The following ZNF782 variants were observed in gnomAD, a reference collection of about 807,000 sequenced individuals.
ZNF782 encodes zinc finger protein 782.
A neutral mutation model predicts 13.0 loss-of-function variants in ZNF782; 12 were observed. That is an observed-to-expected ratio of 0.92 (90% CI 0.59 to 1.50). The LOEUF is 1.50. Among genes scored for constraint, ZNF782 ranks in the 40% most tolerant of loss-of-function variants. ZNF782 has a pLI of 0.00. For synonymous variants in ZNF782, 284 were observed against 283.0 expected (o/e 1.00, Z -0.04); for missense variants, 770 against 822.9 (o/e 0.94, Z 0.79).
At chr9:96,925,249 A>G in the ZNF782 span, among the ~76,000 whole-genome samples, 1 of 151,920 alleles carries the variant, frequency 6.6e-6, no homozygotes, top group Non-Finnish European at 1.5e-5. Flanking sequence ...AGGGCCCCGC[A>G]GGAGATGGGG....
chr9:96,824,087 C>CAGAG, intron 5 of ZNF782, among the ~76,000 whole-genome samples: 2 of 151,986 alleles, frequency 1.3e-5, no homozygotes, highest in Middle Eastern at 6.8e-3. Flanking sequence ...CAAAGCCAGG[C>CAGAG]AGAGACACAA....
chr9:96,870,625 T>C (rs1018237684), intron 1 of ZNF782, among the ~76,000 whole-genome samples: 1 of 152,256 alleles, frequency 6.6e-6, no homozygotes, highest in Admixed American at 6.5e-5. Flanking sequence ...AAGGCTCCTA[T>C]GTGAGCTGAT....
At chr9:96,912,673 C>T in the ZNF782 span, among the ~76,000 whole-genome samples, 6 of 151,454 alleles carry the variant, frequency 4.0e-5, no homozygotes, top group East Asian at 2.0e-4. Flanking sequence ...GAATTACAGG[C>T]GTATGCCATC....
At chr9:96,930,240 C>T in the ZNF782 span, among the ~76,000 whole-genome samples, 1 of 151,886 alleles carries the variant, frequency 6.6e-6, no homozygotes, top group South Asian at 2.1e-4. Context: ...TGTGAAAATC[C>T]CTGGCCGGGC....
the ZNF782 span, among the ~76,000 whole-genome samples, chr9:96,925,274 C>T: frequency 0.18 from 26,261 of 149,458 alleles, 5,849 homozygotes; most frequent in African/African-American, 0.52. Flanking sequence ...GGAGGGACGC[C>T]TCACCAGGGC....
chr9:96,917,887 C>T, the ZNF782 span, among the ~76,000 whole-genome samples: 5 of 121,680 alleles, frequency 4.1e-5, no homozygotes, highest in African/African-American at 7.2e-5. Context: ...CCACCCTTGG[C>T]GTGTGTGTGT....
chr9:96,833,117 A>G (rs1409028304), intron 4 of ZNF782, among the ~76,000 whole-genome samples: 2 of 152,166 alleles, frequency 1.3e-5, no homozygotes, highest in African/African-American at 2.4e-5. Flanking sequence ...AAAGTTTTAG[A>G]GTAACTTTAG....
the ZNF782 span, among the ~76,000 whole-genome samples, chr9:96,925,219 G>C: frequency 6.6e-6 from 1 of 152,128 alleles, no homozygotes; most frequent in East Asian, 1.9e-4. Context: ...GCGCGGGGCA[G>C]GCGTGGAGCC....
chr9:96,819,627 T>C lies in ZNF782; in HGVS notation c.396A>G (p.Arg132=). 1 of 1,614,172 alleles carries C rather than the reference T, an allele frequency of 6.2e-7. No individual in the cohort carries two copies. The highest frequency in any genetic ancestry group is 8.5e-7 in the Non-Finnish European group (1 of 1,180,028). Residue 132 remains arginine (R), a synonymous_variant, in exon 6 of 6, where the codon AGA becomes AGG. Transcript: ENST00000481138. The part of the protein sequence containing the change: ...HNRDINIFRA[R]MMPCKCDIAG... Reference sequence around the variant, plus strand: ...CAATGTCACATTTACAAGGCATCATTCTTGCACGAAAAATGTTTATGTCTC... The same window carrying C: ...CAATGTCACATTTACAAGGCATCATCCTTGCACGAAAAATGTTTATGTCTC...
the ZNF782 span, among the ~76,000 whole-genome samples, chr9:96,905,326 A>C: frequency 1.3e-5 from 2 of 150,060 alleles, no homozygotes; most frequent in Non-Finnish European, 2.9e-5. Flanking sequence ...ATAACGCATT[A>C]GCATGCTAAG....
chr9:96,848,814 G>GA (rs1214631752), intron 3 of ZNF782, among the ~76,000 whole-genome samples: 1 of 152,068 alleles, frequency 6.6e-6, no homozygotes, highest in Non-Finnish European at 1.5e-5. Context: ...TACATAATTA[G>GA]AAAAAACAAT....
chr9:96,901,682 A>G, the ZNF782 span, among the ~76,000 whole-genome samples: 1 of 151,380 alleles, frequency 6.6e-6, no homozygotes, highest in Admixed American at 6.6e-5. Flanking sequence ...TATCTAGCCT[A>G]GCCAACGTGG....
rs111889960 is a variant in ZNF782 at position 96,863,368 on chromosome 9, T to G, written c.-456-1765A>C. On this transcript the variant is annotated intron_variant, in intron 1 of 5. Coordinates refer to the ZNF782 transcript ENST00000498811. ...TTAAAAATAAAAAAAAAAAAATACA[T>G]GTTGGCTTGGATTTGGTGAAAAGGG... 9.0e-3 allele frequency among the ~76,000 whole-genome samples: 1,366 copies of G among 151,478 alleles called. 18 individuals are homozygous for G. The highest frequency in any genetic ancestry group is 0.032 in the African/African-American group (1,307 of 41,252).
At chr9:96,907,620 G>GT in the ZNF782 span, among the ~76,000 whole-genome samples, 1 of 151,656 alleles carries the variant, frequency 6.6e-6, no homozygotes, top group East Asian at 1.9e-4. Flanking sequence ...CTTGATTTCT[G>GT]TAACTTGATA....
At chr9:96,856,026 G>C (rs182543307), upstream of ZNF782, among the ~76,000 whole-genome samples, 78 of 152,080 alleles carry the variant, frequency 5.1e-4, no homozygotes, top group African/African-American at 1.8e-3. Context: ...ATGTTTGTTG[G>C]CCATTTGTAT....
chr9:96,911,630 C>G, the ZNF782 span, among the ~76,000 whole-genome samples: 10 of 149,794 alleles, frequency 6.7e-5, no homozygotes, highest in South Asian at 2.1e-3. Flanking sequence ...AAGCCATTAT[C>G]CTGCCTCAGC....
chr9:96,853,191 GC>G (rs1851553093), intron 1 of ZNF782, 122 bp from the exon 2 acceptor site: 1 of 152,464 alleles, frequency 6.6e-6, no homozygotes, highest in African/African-American at 2.4e-5. Flanking sequence ...CCTGTCCCTG[GC>G]CACCACCTAG....
At chr9:96,899,161 C>T in the ZNF782 span, among the ~76,000 whole-genome samples, 28 of 151,290 alleles carry the variant, frequency 1.9e-4, 1 homozygote, top group African/African-American at 6.8e-4. Flanking sequence ...TTTCAAGGTT[C>T]ATCCATGTGC....
upstream of ZNF782, chr9:96,854,636 G>T (rs1851613100): frequency 6.6e-6 from 1 of 152,278 alleles, no homozygotes; most frequent in Non-Finnish European, 1.5e-5. Context: ...GACTCCTCAC[G>T]TTTCGGCGAT....
Sources: allele counts gnomAD v4.1 joint callset (sites outside exome capture counted in the v4.1 genomes callset), GRCh38; gene constraint gnomAD v4.1.1; transcripts MANE v1.5; gene names NCBI Gene and HGNC (gene_info 2026-07-23, HGNC 2026-07-21).